The following ATXN7L1 variants were observed in gnomAD, a reference collection of about 807,000 sequenced individuals.
ATXN7L1 encodes ataxin-7-like protein 1.
Under a neutral mutation model 70.8 loss-of-function variants are expected in ATXN7L1, and 15 were observed. The ratio of observed to expected loss-of-function variants is 0.21; its 90% CI spans 0.14 to 0.33. ATXN7L1 has a LOEUF of 0.33. Among genes scored for constraint, ATXN7L1 ranks in the 10% least tolerant of loss-of-function variants. The probability of loss-of-function intolerance (pLI) is 1.00; values close to 1 mark genes in which losing one functional copy is unlikely to be tolerated. For synonymous variants in ATXN7L1, 440 were observed against 445.1 expected (o/e 0.99, Z 0.14); for missense variants, 975 against 1,097.1 (o/e 0.89, Z 1.57).
rs929272992 is a variant in ATXN7L1, at chr7:105,613,799, G to A, written c.2472+63C>T. The stretch of plus-strand genomic sequence containing the variant: ...CTGTCGGAGCCGCCCGGCTAAGCAG[G>A]GGCGCTGCCCAGCTCCCCCTGCCCC... On this transcript the variant is annotated intron_variant, in intron 10 of 11. Coordinates refer to ENST00000419735, the MANE Select transcript of ATXN7L1 (RefSeq NM_020725.2). The A allele has an allele frequency of 2.6e-6, 4 of 1,550,940 alleles. No individual in the cohort carries two copies. In the African/African-American group the frequency reaches 5.5e-5, roughly 21 times the overall value.
At chr7:105,711,699 C>A (rs183223876) in intron 3 of ATXN7L1, among the ~76,000 whole-genome samples, 27 of 152,362 alleles carry the variant, frequency 1.8e-4, no homozygotes, top group African/African-American at 6.5e-4. Flanking sequence ...CAGGGTACAA[C>A]CCCTACGGCT....
chr7:105,650,764 G>A (rs1404895830), intron 4 of ATXN7L1, among the ~76,000 whole-genome samples: 1 of 152,206 alleles, frequency 6.6e-6, no homozygotes, highest in African/African-American at 2.4e-5. Flanking sequence ...GAACAATGAT[G>A]TGAGATTTCC....
At chr7:105,662,657 C>T (rs1004966270) in intron 4 of ATXN7L1, among the ~76,000 whole-genome samples, 2 of 152,152 alleles carry the variant, frequency 1.3e-5, no homozygotes, top group African/African-American at 2.4e-5. Flanking sequence ...TTATGTGCTC[C>T]TTCCCTGGCT....
intron 4 of ATXN7L1, among the ~76,000 whole-genome samples, chr7:105,644,871 C>G (rs1027506856): frequency 6.6e-6 from 1 of 152,154 alleles, no homozygotes; most frequent in Non-Finnish European, 1.5e-5. Flanking sequence ...GGAGGCAGCC[C>G]AAGTGTCCAT....
chr7:105,832,951 G>A (rs886797), intron 2 of ATXN7L1, among the ~76,000 whole-genome samples: 2 of 151,916 alleles, frequency 1.3e-5, no homozygotes, highest in African/African-American at 2.4e-5. Context: ...TCTGACTTCC[G>A]TGCTTCTACC....
intron 2 of ATXN7L1, among the ~76,000 whole-genome samples, chr7:105,797,931 G>T (rs1167061533): frequency 1.3e-5 from 2 of 152,332 alleles, no homozygotes; most frequent in East Asian, 3.9e-4. Context: ...TGTGGTAGCT[G>T]CTTAATCAAT....
chr7:105,845,137 G>A (rs187095976), intron 2 of ATXN7L1, among the ~76,000 whole-genome samples: 118 of 144,948 alleles, frequency 8.1e-4, no homozygotes, highest in Admixed American at 1.5e-3. Flanking sequence ...CCTGGGAGGC[G>A]GAGGTTGCAG....
intron 3 of ATXN7L1, among the ~76,000 whole-genome samples, chr7:105,673,692 C>T (rs1430060177): frequency 6.6e-6 from 1 of 152,212 alleles, no homozygotes; most frequent in African/African-American, 2.4e-5. Flanking sequence ...GCACTGGGAG[C>T]CGTGCCAGGA....
At chr7:105,759,539 A>G (rs1800284821) in intron 3 of ATXN7L1, among the ~76,000 whole-genome samples, 1 of 150,754 alleles carries the variant, frequency 6.6e-6, no homozygotes, top group Non-Finnish European at 1.5e-5. Context: ...GGTGGCAGGA[A>G]GTGGGGTGTG....
chr7:105,847,002 G>C (rs1002142316), intron 2 of ATXN7L1, among the ~76,000 whole-genome samples: 1 of 152,162 alleles, frequency 6.6e-6, no homozygotes, highest in Non-Finnish European at 1.5e-5. Flanking sequence ...GGTTTCTTTC[G>C]GGACTAACAG....
chr7:105,841,800 T>C (rs936401907), intron 2 of ATXN7L1, among the ~76,000 whole-genome samples: 2 of 152,236 alleles, frequency 1.3e-5, no homozygotes, highest in Non-Finnish European at 2.9e-5. Context: ...TACGTATGCA[T>C]AGGCAAAAAT....
chr7:105,620,015 G>A lies in ATXN7L1; in HGVS notation c.1517+185C>T, dbSNP rs148048286. On this transcript the variant is annotated intron_variant, in intron 9 of 11. Transcript: ENST00000419735. ...AGACAAAGCATGTAACACATCATTCGTGTTTCTCAAAACCTTCAGGCAAAC... is the reference window on the plus strand; with the variant it reads ...AGACAAAGCATGTAACACATCATTCATGTTTCTCAAAACCTTCAGGCAAAC... Among the ~76,000 whole-genome samples, 8 of 152,258 alleles carry A rather than the reference G, an allele frequency of 5.3e-5. 1 individual carries two copies. Among genetic ancestry groups the A allele is most frequent in the African/African-American group, 1.9e-4 (8 of 41,542 alleles).
rs535332140 is a variant in ATXN7L1, at chr7:105,858,608, A to G, written c.250+17204T>C. On this transcript the variant is annotated intron_variant, in intron 2 of 11. Transcript: ENST00000419735. Reference sequence around the variant, plus strand: ...AAATACAACGTTTGCAATGGGCAGCAGTGGTCACCACCTTACGAAGTCATC... The same window carrying G: ...AAATACAACGTTTGCAATGGGCAGCGGTGGTCACCACCTTACGAAGTCATC... Among the ~76,000 whole-genome samples the G allele has an allele frequency of 2.6e-5, 4 of 152,338 alleles. No individual in the cohort carries two copies. In the East Asian group the frequency reaches 5.8e-4, roughly 22 times the overall value.
At position 105,665,208 on chromosome 7, in the gene ATXN7L1, C is replaced by T; in HGVS notation, c.436G>A (p.Val146Met). The change falls in exon 4 of 12, where the codon GTG becomes ATG. Residue 146 changes from valine (V) to methionine (M), a missense_variant. By Grantham distance (21) the Val-to-Met change is conservative. This residue lies in a region of ATXN7L1 where 192 missense variants were observed against 215.5 expected (regional missense o/e 0.89). Coordinates refer to ENST00000419735, the MANE Select transcript of ATXN7L1 (RefSeq NM_020725.2). ...ASNPRTSLVQVKTKACLSGHH... is the reference protein window; with the variant it reads ...ASNPRTSLVQMKTKACLSGHH... The stretch of plus-strand genomic sequence containing the variant: ...CCGCTGAGACAGGCTTTTGTTTTCA[C>T]CTGTACTAGTGATGTCCTGGGATTG... 6.4e-7 allele frequency: 1 copy of T among 1,551,614 alleles called. No individual in the cohort carries two copies. Among genetic ancestry groups the T allele is most frequent in the South Asian group, 1.2e-5 (1 of 84,058 alleles).
intron 5 of ATXN7L1, among the ~76,000 whole-genome samples, chr7:105,640,795 G>A (rs117444703): frequency 0.018 from 2,713 of 152,362 alleles, 45 homozygotes; most frequent in Non-Finnish European, 0.03. Context: ...GATGGCCTGT[G>A]CCGTTTCTGG....
At chr7:105,837,614 G>A (rs1190625154) in intron 2 of ATXN7L1, among the ~76,000 whole-genome samples, 3 of 152,194 alleles carry the variant, frequency 2.0e-5, no homozygotes, top group Admixed American at 1.3e-4. Flanking sequence ...ACTTGGCATA[G>A]ATGTATCATC....
chr7:105,650,923 A>C (rs1315845328), intron 4 of ATXN7L1, among the ~76,000 whole-genome samples: 1 of 152,230 alleles, frequency 6.6e-6, no homozygotes, highest in African/African-American at 2.4e-5. Context: ...AAATTTATAG[A>C]ATGTGGAGTG....
At chr7:105,690,187 T>TA (rs1422571928) in intron 3 of ATXN7L1, among the ~76,000 whole-genome samples, 3 of 152,106 alleles carry the variant, frequency 2.0e-5, no homozygotes, top group Admixed American at 1.3e-4. Flanking sequence ...GTATTTTTCG[T>TA]AGAGACGGGG....
chr7:105,728,457 A>G (rs923308483), intron 3 of ATXN7L1, among the ~76,000 whole-genome samples: 13 of 152,174 alleles, frequency 8.5e-5, no homozygotes, highest in Non-Finnish European at 1.6e-4. Flanking sequence ...AATGATCCAT[A>G]TGGTAATTGG....
Sources: allele counts gnomAD v4.1 joint callset (sites outside exome capture counted in the v4.1 genomes callset), GRCh38; gene constraint gnomAD v4.1.1; regional missense constraint gnomAD v4.1.1; transcripts MANE v1.5; gene names NCBI Gene and HGNC (gene_info 2026-07-23, HGNC 2026-07-21).